The following KCNJ12 variants were observed in gnomAD, a reference collection of about 807,000 sequenced individuals.
The protein encoded by KCNJ12 is ATP-sensitive inward rectifier potassium channel 12.
Under a neutral mutation model 22.3 loss-of-function variants are expected in KCNJ12, and 2 were observed. The observed-to-expected ratio is 0.09, with a 90% confidence interval of 0.04 to 0.28. The LOEUF is 0.28. Among genes scored for constraint, KCNJ12 ranks in the 10% least tolerant of loss-of-function variants. The probability of loss-of-function intolerance (pLI) is 1.00; values close to 1 mark genes in which losing one functional copy is unlikely to be tolerated. For missense variants in KCNJ12, 155 were observed against 633.3 expected (o/e 0.24, Z 8.11); for synonymous variants, 117 against 261.4 (o/e 0.45, Z 5.33).
intron 2 of KCNJ12, among the ~76,000 whole-genome samples, chr17:21,414,953 G>A (rs1252650964): frequency 6.6e-6 from 1 of 152,308 alleles, no homozygotes; most frequent in Non-Finnish European, 1.5e-5. Context: ...CAGAGAGGCT[G>A]GCAAGTTGTG....
chr17:21,395,754 T>C (rs1905341283), intron 1 of KCNJ12, among the ~76,000 whole-genome samples: 1 of 152,186 alleles, frequency 6.6e-6, no homozygotes, highest in South Asian at 2.1e-4. Flanking sequence ...GGGAAACTGA[T>C]GCCAGAGAGG....
chr17:21,393,822 T>C (rs1186986402), intron 1 of KCNJ12, among the ~76,000 whole-genome samples: 1 of 152,194 alleles, frequency 6.6e-6, no homozygotes, highest in East Asian at 1.9e-4. Context: ...CCCTGAGCAG[T>C]AGGGCAAACA....
chr17:21,409,142 G>A (rs1205565939), intron 2 of KCNJ12, among the ~76,000 whole-genome samples: 1 of 152,308 alleles, frequency 6.6e-6, no homozygotes, highest in Admixed American at 6.5e-5. Flanking sequence ...GTCAGAGATG[G>A]GGCCTGGGCA....
At chr17:21,407,313 C>G (rs1305063977) in intron 1 of KCNJ12, among the ~76,000 whole-genome samples, 2 of 152,284 alleles carry the variant, frequency 1.3e-5, no homozygotes, top group African/African-American at 4.8e-5. Flanking sequence ...TCTATCCACC[C>G]ATCCACTCAT....
chr17:21,408,906 C>T (rs1195887187), intron 2 of KCNJ12, among the ~76,000 whole-genome samples: 1 of 152,312 alleles, frequency 6.6e-6, no homozygotes, highest in Admixed American at 6.5e-5. Context: ...CCCACCTAGC[C>T]AGTCCATCTA....
intron 1 of KCNJ12, among the ~76,000 whole-genome samples, chr17:21,396,917 T>G (rs527616566): frequency 6.6e-6 from 1 of 152,212 alleles, no homozygotes; most frequent in East Asian, 1.9e-4. Flanking sequence ...CCGGGGGTCA[T>G]CGTTCAAGGG....
At chr17:21,409,593 G>C (rs1280819459) in intron 2 of KCNJ12, among the ~76,000 whole-genome samples, 6 of 152,306 alleles carry the variant, frequency 3.9e-5, no homozygotes, top group Admixed American at 3.3e-4. Flanking sequence ...GCTTGCTGGG[G>C]CCCAGCCACC....
chr17:21,384,120 A>C (rs567570172), intron 1 of KCNJ12, among the ~76,000 whole-genome samples: 19 of 152,084 alleles, frequency 1.2e-4, no homozygotes, highest in Non-Finnish European at 2.6e-4. Context: ...AAACGTGCTA[A>C]TATCTAAGTT....
intron 1 of KCNJ12, among the ~76,000 whole-genome samples, chr17:21,394,820 A>T (rs1445402822): frequency 1.3e-5 from 2 of 152,194 alleles, no homozygotes; most frequent in African/African-American, 4.8e-5. Flanking sequence ...CAGTGTTGCC[A>T]GGGGTAAACC....
At chr17:21,404,184 A>C (rs1224943453) in intron 1 of KCNJ12, among the ~76,000 whole-genome samples, 1 of 152,094 alleles carries the variant, frequency 6.6e-6, no homozygotes, top group Non-Finnish European at 1.5e-5. Flanking sequence ...CCTGGTTTGC[A>C]CACAGTCAGG....
rs540623978 is a variant in KCNJ12, at chr17:21,380,643, C to T, written c.-179+3730C>T. Among the ~76,000 whole-genome samples the T allele has an allele frequency of 2.0e-4, 30 of 151,248 alleles. No homozygotes were observed. The East Asian group carries it at 3.5e-3, about 18-fold the overall frequency. On this transcript the variant is annotated intron_variant, in intron 1 of 2. Coordinates refer to ENST00000583088, the MANE Select transcript of KCNJ12 (RefSeq NM_021012.5). ...AGGGGCTGGTCTCAGTAGAAATGGA[C>T]GTGTGGAGAGGGGGATCTGGGAAGG...
At chr17:21,413,972 G>A (rs1253322127) in intron 2 of KCNJ12, among the ~76,000 whole-genome samples, 2 of 152,184 alleles carry the variant, frequency 1.3e-5, no homozygotes, top group Non-Finnish European at 2.9e-5. Context: ...GAGGGCCCTC[G>A]GCTGAGGTCA....
At chr17:21,377,793 C>G (rs1904718250) in intron 1 of KCNJ12, among the ~76,000 whole-genome samples, 1 of 152,204 alleles carries the variant, frequency 6.6e-6, no homozygotes, top group Non-Finnish European at 1.5e-5. Context: ...CAAAGTGTTT[C>G]TTTGGGGACG....
intron 1 of KCNJ12, among the ~76,000 whole-genome samples, chr17:21,398,074 G>A (rs1324057595): frequency 1.3e-5 from 2 of 151,090 alleles, no homozygotes; most frequent in East Asian, 3.9e-4. Flanking sequence ...GAGGGACATA[G>A]CCCTGGACGT....
At chr17:21,379,802 G>A (rs574043469) in intron 1 of KCNJ12, among the ~76,000 whole-genome samples, 2 of 152,080 alleles carry the variant, frequency 1.3e-5, no homozygotes, top group African/African-American at 2.4e-5. Flanking sequence ...GGTGGGGGGG[G>A]GCCTGGCAGA....
At chr17:21,397,473 T>C (rs1179842405) in intron 1 of KCNJ12, among the ~76,000 whole-genome samples, 1 of 152,226 alleles carries the variant, frequency 6.6e-6, no homozygotes, top group Non-Finnish European at 1.5e-5. Flanking sequence ...TAGCACGCGA[T>C]GTTTTCGAGC....
Position 21,417,982 on chromosome 17 carries a change from C to G in KCNJ12, c.*1338C>G, listed in dbSNP as rs1906943480. On this transcript the variant is annotated 3_prime_UTR_variant, in exon 3 of 3. Coordinates refer to ENST00000583088, the MANE Select transcript of KCNJ12 (RefSeq NM_021012.5). ...TGGGATGACTGGGGAGGGCCACGCT[C>G]ATTCAAAGCTGAATCAGAAACCAGC... The G allele has an allele frequency of 6.0e-6, 1 of 167,096 alleles. No individual in the cohort carries two copies. The highest frequency in any genetic ancestry group is 1.5e-5 in the Non-Finnish European group (1 of 68,232). 10.4% of individuals were successfully genotyped at this position (167,096 alleles called of 1,614,324 possible).
At chr17:21,412,548 TCTGAGTGCCCCGGCC>T (rs1883583522) in intron 2 of KCNJ12, among the ~76,000 whole-genome samples, 2 of 152,282 alleles carry the variant, frequency 1.3e-5, no homozygotes, top group South Asian at 4.1e-4. Flanking sequence ...CACGCCGGCG[TCTGAGTGCCCCGGCC>T]CTGGCTGCCT....
chr17:21,411,764 A>T (rs1398900257), intron 2 of KCNJ12, among the ~76,000 whole-genome samples: 1 of 152,308 alleles, frequency 6.6e-6, no homozygotes, highest in Non-Finnish European at 1.5e-5. Flanking sequence ...CCCATTGAGC[A>T]AGAGCCAAAA....
Sources: gnomAD v4.1 joint callset for allele counts (sites outside exome capture counted in the v4.1 genomes callset) on GRCh38, gnomAD v4.1.1 for gene constraint, MANE v1.5 for transcripts, NCBI Gene and HGNC (gene_info 2026-07-23, HGNC 2026-07-21) for gene names.